The following AGK variants were observed in gnomAD, a reference collection of about 807,000 sequenced individuals.
AGK encodes the protein acylglycerol kinase, mitochondrial.
AGK carries 52 observed loss-of-function variants against 66.4 expected under a neutral mutation model. The observed-to-expected ratio is 0.78, with a 90% CI of 0.63 to 0.99. The LOEUF is 0.99. AGK is among the 50% of genes least tolerant of loss of function. The pLI is 0.00. For synonymous variants in AGK, 182 were observed against 181.1 expected, an observed-to-expected ratio of 1.00 and a Z score of -0.04; for missense variants, 451 against 506.6, an observed-to-expected ratio of 0.89 and a Z score of 1.05.
rs1170159735 is a variant in AGK, at chr7:141,598,190, A to T, written c.221+1549A>T. Among the ~76,000 whole-genome samples the T allele has an allele frequency of 6.6e-6, 1 of 152,136 alleles. No homozygotes were observed. The highest frequency in any genetic ancestry group is 1.5e-5 in the Non-Finnish European group (1 of 68,034). On this transcript the variant is annotated intron_variant, in intron 4 of 15. Coordinates refer to ENST00000649286, the MANE Select transcript of AGK (RefSeq NM_018238.4). This position sits in a 1 kb window ranked among gnomAD's most constrained non-coding sequence, Gnocchi z 4.2. ...TCAGTGGTTTAATTCAGATTGTCTA[A>T]ACAGACTATTCTGCCTAACTGAATC...
chr7:141,625,759 C>T (rs898437661), intron 9 of AGK, among the ~76,000 whole-genome samples: 2 of 152,144 alleles, frequency 1.3e-5, no homozygotes, highest in African/African-American at 2.4e-5. Flanking sequence ...TCTCATCACT[C>T]TATTAGAGTA....
intron 2 of AGK, among the ~76,000 whole-genome samples, chr7:141,580,571 G>A (rs535845502): frequency 6.6e-6 from 1 of 152,056 alleles, no homozygotes; most frequent in African/African-American, 2.4e-5. Flanking sequence ...AGAAGCCAGG[G>A]AGCAGAAGGT....
intron 8 of AGK, among the ~76,000 whole-genome samples, chr7:141,619,934 A>G (rs1466469608): frequency 6.6e-6 from 1 of 152,234 alleles, no homozygotes; most frequent in East Asian, 1.9e-4. Flanking sequence ...ACTGGGAACA[A>G]TGCCAATGTC....
chr7:141,620,471 A>G (rs553143399), intron 8 of AGK, among the ~76,000 whole-genome samples: 2 of 152,314 alleles, frequency 1.3e-5, no homozygotes, highest in East Asian at 1.9e-4. Flanking sequence ...CTCTTCTTGT[A>G]TCTGAAGGAG....
chr7:141,582,266 G>T lies in AGK; in HGVS notation c.102-10880G>T, dbSNP rs910104967. Among the ~76,000 whole-genome samples, 11 of 151,980 alleles carry T rather than the reference G, an allele frequency of 7.2e-5. 1 individual carries two copies. The highest frequency in any genetic ancestry group is 7.2e-4 in the Admixed American group (11 of 15,288). On this transcript the variant is annotated intron_variant, in intron 2 of 15. Coordinates refer to ENST00000649286, the MANE Select transcript of AGK (RefSeq NM_018238.4). ...CACTTGAAGCAAGTTCCTGGGGGAG[G>T]TGGTCCTGGAGGAATGCCTGGCCGC... is the stretch of plus-strand genomic sequence containing the variant.
intron 9 of AGK, among the ~76,000 whole-genome samples, chr7:141,623,852 G>A (rs141900471): frequency 0.014 from 2,080 of 152,202 alleles, 62 homozygotes; most frequent in African/African-American, 0.046. Flanking sequence ...GTTTGGGACA[G>A]GCTGACTCTC....
intron 4 of AGK, chr7:141,599,207 A>T (rs1796289934): frequency 6.6e-6 from 1 of 152,174 alleles, no homozygotes; most frequent in African/African-American, 2.4e-5. Flanking sequence ...TTTATCATGT[A>T]GCTATTTCAT....
At chr7:141,590,256 G>A (rs1355025155) in intron 2 of AGK, among the ~76,000 whole-genome samples, 2 of 152,158 alleles carry the variant, frequency 1.3e-5, no homozygotes, top group Non-Finnish European at 2.9e-5. Context: ...TAGCCCAGAG[G>A]AGCCTGTTGC....
At chr7:141,627,596 C>T (rs75337792) in intron 9 of AGK, among the ~76,000 whole-genome samples, 2,082 of 152,238 alleles carry the variant, frequency 0.014, 61 homozygotes, top group African/African-American at 0.046. Context: ...CTGGACTCTT[C>T]ACCATGACCT....
chr7:141,632,430 T>C (rs1259638137), intron 9 of AGK, among the ~76,000 whole-genome samples: 1 of 152,204 alleles, frequency 6.6e-6, no homozygotes, highest in Non-Finnish European at 1.5e-5. Flanking sequence ...GTGCTGGCTG[T>C]CTTATGGGTT....
intron 13 of AGK, 183 bp from the exon 14 acceptor site, chr7:141,649,080 G>C (rs1797486203): frequency 2.3e-6 from 1 of 437,546 alleles, no homozygotes; most frequent in African/African-American, 2.2e-5. Flanking sequence ...TTATACCTCA[G>C]TAAAGCTCTT....
At chr7:141,604,401 T>TATATATACAC (rs1169111569) in intron 5 of AGK, among the ~76,000 whole-genome samples, 1 of 143,466 alleles carries the variant, frequency 7.0e-6, no homozygotes, top group African/African-American at 2.6e-5. Context: ...TATATATATA[T>TATATATACAC]ATACACATAC....
intron 8 of AGK, among the ~76,000 whole-genome samples, chr7:141,618,602 C>T (rs977552497): frequency 6.6e-6 from 1 of 152,032 alleles, no homozygotes; most frequent in Non-Finnish European, 1.5e-5. Context: ...ACAGATAAGC[C>T]TCTATTCTAT....
intron 7 of AGK, 76 bp from the exon 8 acceptor site, chr7:141,615,395 G>A: frequency 1.7e-6 from 2 of 1,168,720 alleles, no homozygotes; most frequent in Non-Finnish European, 2.5e-6. Context: ...TGTCATAGTG[G>A]ACACACCTGT....
intron 2 of AGK, among the ~76,000 whole-genome samples, chr7:141,585,555 G>A (rs116116193): frequency 0.012 from 1,853 of 152,236 alleles, 46 homozygotes; most frequent in African/African-American, 0.041. Context: ...GGGAAAAGCT[G>A]GTGGTAGAAA....
intron 2 of AGK, among the ~76,000 whole-genome samples, chr7:141,561,231 G>A (rs1270757406): frequency 6.6e-6 from 1 of 152,148 alleles, no homozygotes; most frequent in Non-Finnish European, 1.5e-5. Context: ...CTATAAACAT[G>A]CATATGCAAG....
In AGK at chr7:141,604,394, A is replaced by G. The variant is rs971666287; in HGVS notation, c.297+3114A>G. ...TGTGTGTATATATATATATATATAT[A>G]TATATATATACACATACATACACAC... is the stretch of plus-strand genomic sequence containing the variant. On this transcript the variant is annotated intron_variant, in intron 5 of 15. Transcript: ENST00000649286. Among the ~76,000 whole-genome samples, 17 of 144,940 alleles carry G rather than the reference A, an allele frequency of 1.2e-4. No homozygotes were observed. The East Asian group carries it at 2.6e-3, about 22-fold the overall frequency.
At chr7:141,626,191 G>A (rs1281706301) in intron 9 of AGK, among the ~76,000 whole-genome samples, 2 of 152,152 alleles carry the variant, frequency 1.3e-5, no homozygotes, top group Non-Finnish European at 2.9e-5. Context: ...GATGTAGCCT[G>A]CAGGTGTCCT....
chr7:141,585,326 A>G (rs531176328), intron 2 of AGK, among the ~76,000 whole-genome samples: 59 of 152,276 alleles, frequency 3.9e-4, no homozygotes, highest in Middle Eastern at 3.4e-3. Flanking sequence ...TATATAGTTT[A>G]GAAAAGCTCT....
Sources: allele counts gnomAD v4.1 joint callset (sites outside exome capture counted in the v4.1 genomes callset), GRCh38; gene constraint gnomAD v4.1.1; non-coding constraint Gnocchi (gnomAD v3.1); transcripts MANE v1.5; gene names NCBI Gene and HGNC (gene_info 2026-07-23, HGNC 2026-07-21).